REV3L: variants seen among roughly 807,000 people sequenced by gnomAD.
The protein encoded by REV3L is DNA polymerase zeta catalytic subunit.
In REV3L, 69 loss-of-function variants were observed where a neutral mutation model predicts 299.4. The ratio of observed to expected loss-of-function variants is 0.23; its 90% CI spans 0.19 to 0.28. The LOEUF (loss-of-function observed/expected upper bound fraction) is 0.28, where lower values mean the gene tolerates loss of function less well. Among genes scored for constraint, REV3L ranks in the 10% least tolerant of loss-of-function variants. The pLI, the probability that REV3L is intolerant of heterozygous loss-of-function variation, is 1.00. For synonymous variants in REV3L, 1,238 were observed against 1,271.4 expected, an observed-to-expected ratio of 0.97 and a Z score of 0.56; for missense variants, 3,128 against 3,693.8, an observed-to-expected ratio of 0.85 and a Z score of 3.97.
intron 1 of REV3L, among the ~76,000 whole-genome samples, chr6:111,460,874 C>T (rs1229233736): frequency 6.6e-6 from 1 of 152,064 alleles, no homozygotes; most frequent in Non-Finnish European, 1.5e-5. Flanking sequence ...CTGAAAAATT[C>T]CTATCGCCTA....
At chr6:111,444,867 G>A (rs986696102) in intron 1 of REV3L, among the ~76,000 whole-genome samples, 5 of 152,184 alleles carry the variant, frequency 3.3e-5, no homozygotes, top group Non-Finnish European at 4.4e-5. Flanking sequence ...GCAGGTTAAT[G>A]TTTAAGGTAT....
chr6:111,367,958 A>C lies in REV3L; in HGVS notation c.5830T>G (p.Phe1944Val). Reference sequence around the variant, plus strand: ...CAAAGACGAAGTCCTTCCAAGGAAAAGTCTCCCTCAAACTCAGCCAGATCA... The same window carrying C: ...CAAAGACGAAGTCCTTCCAAGGAAACGTCTCCCTCAAACTCAGCCAGATCA... Reference protein sequence around the residue: ...ANDLAEFEGDFSLEGLRLWKT... With the variant: ...ANDLAEFEGDVSLEGLRLWKT... The change falls in exon 14 of 32, where the codon TTT becomes GTT. Residue 1944 changes from phenylalanine (F) to valine (V), a missense_variant. Transcript: ENST00000368802. 1 of 1,613,916 alleles carries C rather than the reference A, an allele frequency of 6.2e-7. No individual in the cohort carries two copies. The highest frequency in any genetic ancestry group is 8.5e-7 in the Non-Finnish European group (1 of 1,179,956).
chr6:111,299,321 G>C lies in REV3L; in HGVS notation c.*695C>G, dbSNP rs903930923. 1 of 152,462 alleles carries C rather than the reference G, an allele frequency of 6.6e-6. No homozygotes were observed. The highest frequency in any genetic ancestry group is 1.5e-5 in the Non-Finnish European group (1 of 68,012). 9.4% of individuals were successfully genotyped at this position (152,462 alleles called of 1,614,324 possible). ...TTTTTATTTTTAAAGTATTGCAACA[G>C]GCCCACAGGTTTGTAACAAAAATGT... On this transcript the variant is annotated 3_prime_UTR_variant, in exon 32 of 32. Coordinates refer to ENST00000368802, the MANE Select transcript of REV3L (RefSeq NM_001372078.1).
chr6:111,334,265 A>G (rs1775693031), intron 22 of REV3L, among the ~76,000 whole-genome samples: 1 of 152,192 alleles, frequency 6.6e-6, no homozygotes, highest in Non-Finnish European at 1.5e-5. Context: ...CAGCTACACC[A>G]TAATAAAAAA....
At chr6:111,305,604 AAAAT>A (rs1772193514) in intron 31 of REV3L, among the ~76,000 whole-genome samples, 3 of 152,070 alleles carry the variant, frequency 2.0e-5, no homozygotes, top group South Asian at 2.1e-4. Flanking sequence ...AAATAAAATA[AAAAT>A]AAATAAATAA....
At chr6:111,320,387 C>T (rs1676863) in intron 26 of REV3L, among the ~76,000 whole-genome samples, 61,828 of 152,032 alleles carry the variant, frequency 0.41, 15,091 homozygotes, top group Non-Finnish European at 0.55. Flanking sequence ...TTCACTCCAC[C>T]AGGCATTACC....
intron 21 of REV3L, among the ~76,000 whole-genome samples, chr6:111,338,792 A>G (rs1245276945): frequency 6.6e-6 from 1 of 152,138 alleles, no homozygotes; most frequent in Non-Finnish European, 1.5e-5. Flanking sequence ...AGTATATTTC[A>G]AAAGAAATAT....
At chr6:111,411,413 GA>G in intron 3 of REV3L, 66 bp downstream of exon 3, 1 of 1,085,040 alleles carries the variant, frequency 9.2e-7, no homozygotes, top group South Asian at 1.5e-5. Context: ...CTTCTTTCTA[GA>G]TTTTTTTTAT....
intron 25 of REV3L, among the ~76,000 whole-genome samples, chr6:111,326,612 C>G (rs958335549): frequency 4.0e-5 from 6 of 148,166 alleles, no homozygotes; most frequent in African/African-American, 1.5e-4. Flanking sequence ...TATACCCCCC[C>G]CAAAAAAAAA....
intron 1 of REV3L, among the ~76,000 whole-genome samples, chr6:111,444,817 T>C (rs1426326483): frequency 6.6e-6 from 1 of 152,238 alleles, no homozygotes; most frequent in Non-Finnish European, 1.5e-5. Flanking sequence ...TAATGTCATC[T>C]GCTAATTTGT....
intron 1 of REV3L, among the ~76,000 whole-genome samples, chr6:111,478,586 A>AG (rs1317052947): frequency 6.6e-6 from 1 of 151,622 alleles, no homozygotes; most frequent in Non-Finnish European, 1.5e-5. Flanking sequence ...GATACACGCT[A>AG]ATTTTCAAAA....
chr6:111,374,831 T>C lies in REV3L; in HGVS notation c.3524A>G (p.Lys1175Arg). The change falls in exon 13 of 32, where the codon AAG (lysine) becomes AGG (arginine). Residue 1175 changes from lysine (K) to arginine (R), a missense_variant. By Grantham distance (26) the Lys-to-Arg change is conservative. Transcript: ENST00000368802. ...ATTAGCAAGCTTTGCTTTTGATTTC[T>C]TAATCTGTGCTCTTGCGCGACTAGT... ...GKTSRARAQI[K>R]KSKAKLANPS... The C allele has an allele frequency of 2.5e-6, 4 of 1,613,702 alleles. No individual in the cohort carries two copies. Among genetic ancestry groups the C allele is most frequent in the Non-Finnish European group, 3.4e-6 (4 of 1,179,882 alleles).
At position 111,310,919 on chromosome 6, in the gene REV3L, G is replaced by A. The variant is rs552780366; in HGVS notation, c.8795+150C>T. 3.7e-5 allele frequency: 19 copies of A among 511,540 alleles called. 1 individual carries two copies. Among genetic ancestry groups the A allele is most frequent in the African/African-American group, 3.7e-4 (19 of 52,026 alleles). 31.7% of individuals were successfully genotyped at this position (511,540 alleles called of 1,614,324 possible). On this transcript the variant is annotated intron_variant, in intron 29 of 31. Transcript: ENST00000368802. ...CTCTTCACATCTTACGAAGTATGAG[G>A]GAATATTCACTAACTTTCAGTGAGG... is the stretch of plus-strand genomic sequence containing the variant.
At chr6:111,463,027 A>C (rs1005684282) in intron 1 of REV3L, among the ~76,000 whole-genome samples, 1 of 152,144 alleles carries the variant, frequency 6.6e-6, no homozygotes, top group Non-Finnish European at 1.5e-5. Flanking sequence ...AGGTCCTTGC[A>C]GTAGCTACTC....
chr6:111,405,639 G>GA lies in REV3L; in HGVS notation c.405-10dup, dbSNP rs199861531. The GA allele has an allele frequency of 7.5e-4, 1,146 of 1,536,016 alleles. 11 individuals carry two copies. In the East Asian group the frequency reaches 0.018, roughly 25 times the overall value. On this transcript the variant is annotated splice_polypyrimidine_tract_variant and intron_variant, in intron 3 of 31. Coordinates refer to ENST00000368802, the MANE Select transcript of REV3L (RefSeq NM_001372078.1). ...GCAAAAGTTCACATATCCTAAATTA[G>GA]AAAAAAAAAGTTTTATCATAAAATT...
chr6:111,434,923 C>T (rs1269396639), intron 1 of REV3L, among the ~76,000 whole-genome samples: 1 of 152,018 alleles, frequency 6.6e-6, no homozygotes, highest in Non-Finnish European at 1.5e-5. Flanking sequence ...AGTAACAATT[C>T]TGGCTAATGT....
At chr6:111,468,920 G>T (rs562487109) in intron 1 of REV3L, among the ~76,000 whole-genome samples, 2 of 152,292 alleles carry the variant, frequency 1.3e-5, no homozygotes, top group South Asian at 2.1e-4. Flanking sequence ...AGCACTTTGG[G>T]AGGGCTGAGG....
intron 26 of REV3L, among the ~76,000 whole-genome samples, chr6:111,316,611 A>G (rs1234513784): frequency 6.6e-6 from 1 of 151,558 alleles, no homozygotes; most frequent in Admixed American, 6.6e-5. Flanking sequence ...GGTTACAGTG[A>G]GCTGAGATTG....
At chr6:111,430,860 A>T in intron 1 of REV3L, 1 of 1,605,378 alleles carries the variant, frequency 6.2e-7, no homozygotes, top group Non-Finnish European at 8.5e-7. Flanking sequence ...AGAAAACCAG[A>T]CGGAACAACA....
Sources: allele counts gnomAD v4.1 joint callset (sites outside exome capture counted in the v4.1 genomes callset), GRCh38; gene constraint gnomAD v4.1.1; transcripts MANE v1.5; gene names NCBI Gene and HGNC (gene_info 2026-07-23, HGNC 2026-07-21).